The following GHR variants were observed in gnomAD, a reference collection of about 807,000 sequenced individuals.
GHR encodes growth hormone receptor.
GHR carries 35 observed loss-of-function variants against 67.1 expected under a neutral mutation model. The ratio of observed to expected loss-of-function variants is 0.52; its 90% CI spans 0.40 to 0.69. The LOEUF (loss-of-function observed/expected upper bound fraction) is 0.69, where lower values mean the gene tolerates loss of function less well. GHR is among the 30% of genes least tolerant of loss of function. The pLI is 0.00. For missense variants in GHR, 792 were observed against 764.6 expected (o/e 1.04, Z -0.42); for synonymous variants, 272 against 269.1 (o/e 1.01, Z -0.10).
chr5:42,691,096 T>C (rs1254746525), intron 4 of GHR, among the ~76,000 whole-genome samples: 1 of 152,128 alleles, frequency 6.6e-6, no homozygotes, highest in Non-Finnish European at 1.5e-5. Flanking sequence ...ACAGGCATCT[T>C]ATGCACACTC....
intron 3 of GHR, among the ~76,000 whole-genome samples, chr5:42,647,296 C>T (rs1326945512): frequency 3.9e-5 from 6 of 151,968 alleles, no homozygotes; most frequent in African/African-American, 1.2e-4. Context: ...AAAAATCGGC[C>T]GGGCGTTGTG....
chr5:42,426,150 G>C (rs2111863827), intron 1 of GHR, among the ~76,000 whole-genome samples: 1 of 152,290 alleles, frequency 6.6e-6, no homozygotes, highest in South Asian at 2.1e-4. Context: ...GGTAACCTAT[G>C]GGATTGTCAT....
chr5:42,696,581 C>T (rs151325492), intron 5 of GHR, among the ~76,000 whole-genome samples: 3 of 152,260 alleles, frequency 2.0e-5, no homozygotes, highest in African/African-American at 7.2e-5. Flanking sequence ...GTAATTACAA[C>T]AGTAACTTAG....
At chr5:42,641,237 C>T (rs1181182572) in intron 3 of GHR, among the ~76,000 whole-genome samples, 1 of 152,006 alleles carries the variant, frequency 6.6e-6, no homozygotes, top group African/African-American at 2.4e-5. Context: ...CACCTTCACC[C>T]CTTACTGGAC....
At chr5:42,715,107 T>C (rs753846232) in intron 8 of GHR, 11 of 365,332 alleles carry the variant, frequency 3.0e-5, no homozygotes, top group Non-Finnish European at 5.5e-5. Flanking sequence ...TTAACTATAA[T>C]GTTTAGTCAA....
intron 3 of GHR, among the ~76,000 whole-genome samples, chr5:42,650,940 T>C (rs1293224007): frequency 6.6e-6 from 1 of 152,184 alleles, no homozygotes. Context: ...TAGGTCTTCA[T>C]TAGGATAAGC....
chr5:42,604,713 AT>A (rs35060701), intron 2 of GHR, among the ~76,000 whole-genome samples: 102,103 of 144,716 alleles, frequency 0.71, 36,885 homozygotes, highest in South Asian at 0.84. Context: ...ACACCCCTCT[AT>A]TTTTTTTTTT....
At chr5:42,586,498 G>A (rs527575569) in intron 2 of GHR, among the ~76,000 whole-genome samples, 3 of 152,200 alleles carry the variant, frequency 2.0e-5, no homozygotes, top group Admixed American at 6.5e-5. Flanking sequence ...GATAAGATAG[G>A]ACAGTTGGAT....
intron 1 of GHR, among the ~76,000 whole-genome samples, chr5:42,475,747 G>A (rs972087487): frequency 2.0e-5 from 3 of 152,118 alleles, no homozygotes; most frequent in Non-Finnish European, 4.4e-5. Flanking sequence ...CAGTCAAAAT[G>A]TGATGGGGAG....
chr5:42,708,506 T>A (rs1420529474), intron 6 of GHR, among the ~76,000 whole-genome samples: 2 of 152,210 alleles, frequency 1.3e-5, no homozygotes, highest in Admixed American at 6.5e-5. Context: ...ATAAGGATTT[T>A]AAAATTTTTT....
intron 2 of GHR, among the ~76,000 whole-genome samples, chr5:42,626,750 G>T (rs1753724554): frequency 1.3e-5 from 2 of 152,146 alleles, no homozygotes; most frequent in African/African-American, 4.8e-5. Context: ...ACTGTGTCAA[G>T]AAACGGAGAC....
At chr5:42,686,106 G>A (rs1182605962) in intron 3 of GHR, among the ~76,000 whole-genome samples, 3 of 152,054 alleles carry the variant, frequency 2.0e-5, no homozygotes, top group Non-Finnish European at 2.9e-5. Context: ...TCCATCTTGA[G>A]TTAATTTTTG....
At chr5:42,487,033 A>C (rs541145488) in intron 1 of GHR, among the ~76,000 whole-genome samples, 3 of 152,276 alleles carry the variant, frequency 2.0e-5, no homozygotes, top group African/African-American at 7.2e-5. Context: ...GAGGCATTGC[A>C]GTATCATCCA....
intron 1 of GHR, among the ~76,000 whole-genome samples, chr5:42,433,177 T>G (rs191747964): frequency 6.6e-6 from 1 of 152,292 alleles, no homozygotes; most frequent in South Asian, 2.1e-4. Context: ...GGGAGACATA[T>G]CTACTTTGCC....
At chr5:42,586,418 G>T (rs925271579) in intron 2 of GHR, among the ~76,000 whole-genome samples, 9 of 152,146 alleles carry the variant, frequency 5.9e-5, no homozygotes, top group Non-Finnish European at 1.2e-4. Flanking sequence ...TCAATAAATG[G>T]GTTTTAACTT....
At chr5:42,630,120 C>T (rs1288557463) in intron 3 of GHR, among the ~76,000 whole-genome samples, 1 of 131,756 alleles carries the variant, frequency 7.6e-6, no homozygotes, top group African/African-American at 3.2e-5. Flanking sequence ...TAGCGTTTGC[C>T]TCCTGACATT....
At chr5:42,506,590 C>G (rs766684304) in intron 1 of GHR, among the ~76,000 whole-genome samples, 18 of 152,108 alleles carry the variant, frequency 1.2e-4, no homozygotes, top group Admixed American at 2.0e-4. Context: ...TATTTGTTAA[C>G]TTTTAACAGG....
At chr5:42,556,703 C>T (rs1006672454) in intron 1 of GHR, among the ~76,000 whole-genome samples, 5 of 151,922 alleles carry the variant, frequency 3.3e-5, no homozygotes, top group Admixed American at 1.3e-4. Flanking sequence ...ATTGTGAATC[C>T]GTTAGTGCAC....
intron 1 of GHR, among the ~76,000 whole-genome samples, chr5:42,533,621 A>G (rs1748077070): frequency 6.6e-6 from 1 of 151,858 alleles, no homozygotes; most frequent in African/African-American, 2.4e-5. Flanking sequence ...TTTTATATGT[A>G]TGGTATAAAG....
Sources: allele counts gnomAD v4.1 joint callset (sites outside exome capture counted in the v4.1 genomes callset), GRCh38; gene constraint gnomAD v4.1.1; transcripts MANE v1.5; gene names NCBI Gene and HGNC (gene_info 2026-07-23, HGNC 2026-07-21).